GXYLT1: variants seen among roughly 807,000 people sequenced by gnomAD.
GXYLT1 encodes glycosyltransferase 8 domain containing 3.
GXYLT1 carries 29 observed loss-of-function variants against 54.0 expected under a neutral mutation model. The observed-to-expected ratio is 0.54, with a 90% confidence interval of 0.40 to 0.73. The LOEUF (loss-of-function observed/expected upper bound fraction) is 0.73. Ranked by LOEUF, GXYLT1 falls within the 30% of genes least tolerant of loss-of-function variation. The probability of loss-of-function intolerance (pLI) is 0.00; values close to 1 mark genes in which losing one functional copy is unlikely to be tolerated. For missense variants in GXYLT1, 490 were observed against 553.4 expected, an observed-to-expected ratio of 0.89 and a Z score of 1.15; for synonymous variants, 176 against 204.1, an observed-to-expected ratio of 0.86 and a Z score of 1.17.
chr12:42,143,624 A>G (rs1430694990), intron 1 of GXYLT1, among the ~76,000 whole-genome samples: 1 of 152,234 alleles, frequency 6.6e-6, no homozygotes, highest in Non-Finnish European at 1.5e-5. Flanking sequence ...GGAAGTGTCC[A>G]TGTTGCAAGG....
At position 42,122,740 on chromosome 12, in the gene GXYLT1, T is replaced by G. The variant is rs187106149; in HGVS notation, c.315-3569A>C. 2.0e-3 allele frequency among the ~76,000 whole-genome samples: 298 copies of G among 152,282 alleles called. 1 individual carries two copies. The highest frequency in any genetic ancestry group is 3.6e-3 in the Non-Finnish European group (246 of 68,026). ...AAAATTCACTATTTTGCAATCACCA[T>G]TGTAACAGATAATCTGGACAAAAAT... On this transcript the variant is annotated intron_variant, in intron 2 of 7. Transcript: ENST00000398675.
At chr12:42,121,554 C>T (rs2065531666) in intron 2 of GXYLT1, among the ~76,000 whole-genome samples, 1 of 152,018 alleles carries the variant, frequency 6.6e-6, no homozygotes, top group East Asian at 1.9e-4. Context: ...TGCTCGAGTC[C>T]AGGAGTCCGA....
At chr12:42,097,856 CTAAG>C (rs151165338) in intron 6 of GXYLT1, 50 bp downstream of exon 6, 46 of 1,341,514 alleles carry the variant, frequency 3.4e-5, no homozygotes, top group South Asian at 1.3e-4. Context: ...TCCTTTTTCA[CTAAG>C]TATTATCTGT....
intron 2 of GXYLT1, among the ~76,000 whole-genome samples, chr12:42,121,635 T>C (rs2065532104): frequency 6.7e-6 from 1 of 149,752 alleles, no homozygotes; most frequent in East Asian, 2.0e-4. Flanking sequence ...TAAATAATAA[T>C]ATACCCAAAT....
chr12:42,138,787 G>A (rs183374175), intron 1 of GXYLT1, among the ~76,000 whole-genome samples: 1 of 152,092 alleles, frequency 6.6e-6, no homozygotes, highest in Non-Finnish European at 1.5e-5. Context: ...TTGGGAGGCC[G>A]AGGCAGGTGG....
chr12:42,090,521 A>G (rs1284002651), intron 7 of GXYLT1, among the ~76,000 whole-genome samples: 1 of 152,172 alleles, frequency 6.6e-6, no homozygotes, highest in Non-Finnish European at 1.5e-5. Context: ...CCCTCTTTTC[A>G]GTGGCACAGG....
intron 5 of GXYLT1, among the ~76,000 whole-genome samples, chr12:42,102,618 T>C (rs1240042923): frequency 3.3e-5 from 5 of 152,006 alleles, no homozygotes; most frequent in Admixed American, 2.0e-4. Context: ...CAAAATAATA[T>C]ATAGAAAGCT....
intron 7 of GXYLT1, among the ~76,000 whole-genome samples, chr12:42,090,246 C>T (rs536210593): frequency 3.9e-5 from 6 of 152,270 alleles, no homozygotes; most frequent in African/African-American, 1.2e-4. Context: ...AAATTTCCAC[C>T]TATATAAACA....
intron 2 of GXYLT1, among the ~76,000 whole-genome samples, chr12:42,121,974 G>A (rs550189514): frequency 1.3e-5 from 2 of 152,254 alleles, no homozygotes; most frequent in African/African-American, 2.4e-5. Context: ...ATGATAGGAA[G>A]TGATAACTAA....
intron 3 of GXYLT1, among the ~76,000 whole-genome samples, chr12:42,117,823 T>C (rs898388801): frequency 1.8e-4 from 28 of 152,156 alleles, no homozygotes; most frequent in Admixed American, 1.3e-4. Context: ...GATTAAAGAG[T>C]ATATATTCCA....
chr12:42,139,532 G>A (rs1030230876), intron 1 of GXYLT1, among the ~76,000 whole-genome samples: 4 of 152,276 alleles, frequency 2.6e-5, no homozygotes, highest in Middle Eastern at 3.4e-3. Context: ...ACAGGGAGAA[G>A]GCGCCATCTA....
chr12:42,106,931 G>A (rs1188539193), intron 4 of GXYLT1, among the ~76,000 whole-genome samples: 1 of 151,676 alleles, frequency 6.6e-6, no homozygotes, highest in Non-Finnish European at 1.5e-5. Context: ...ATTTTTAGTA[G>A]AGATGGGGTT....
At chr12:42,141,148 T>A (rs760308364) in intron 1 of GXYLT1, among the ~76,000 whole-genome samples, 11 of 152,096 alleles carry the variant, frequency 7.2e-5, no homozygotes, top group Non-Finnish European at 1.2e-4. Context: ...GAGTTCCCCA[T>A]CCCAAGTAAC....
At chr12:42,133,270 T>A (rs1044091281) in intron 1 of GXYLT1, among the ~76,000 whole-genome samples, 13 of 152,032 alleles carry the variant, frequency 8.6e-5, no homozygotes, top group African/African-American at 3.1e-4. Flanking sequence ...AGAGAAAGAC[T>A]CTGTCTCAAA....
In GXYLT1 at chr12:42,105,801, C is replaced by T. The variant is rs368186852; in HGVS notation, c.864+17G>A. On this transcript the variant is annotated intron_variant, in intron 5 of 7. Coordinates refer to ENST00000398675, the MANE Select transcript of GXYLT1 (RefSeq NM_173601.2). ...TTTTTAGAGAAATGTTAACAACTAC[C>T]TGTATTAGTGACTTACCTTGAAATA... The T allele has an allele frequency of 1.9e-6, 3 of 1,584,558 alleles. No individual in the cohort carries two copies. Among genetic ancestry groups the T allele is most frequent in the African/African-American group, 2.7e-5 (2 of 73,310 alleles).
chr12:42,090,563 C>T (rs1290905690), intron 7 of GXYLT1, among the ~76,000 whole-genome samples: 2 of 152,164 alleles, frequency 1.3e-5, no homozygotes, highest in African/African-American at 4.8e-5. Context: ...GAAGCTCATG[C>T]TTTATACTGT....
At chr12:42,141,253 A>G (rs550070804) in intron 1 of GXYLT1, among the ~76,000 whole-genome samples, 2 of 152,330 alleles carry the variant, frequency 1.3e-5, no homozygotes, top group South Asian at 4.1e-4. Context: ...TAAAACCTGC[A>G]AGAACAGAAA....
At chr12:42,117,786 T>C (rs2065506072) in intron 3 of GXYLT1, among the ~76,000 whole-genome samples, 1 of 152,214 alleles carries the variant, frequency 6.6e-6, no homozygotes, top group South Asian at 2.1e-4. Context: ...GTTGTTGTTG[T>C]TGTTAAGGAA....
chr12:42,120,090 T>C (rs565341067), intron 2 of GXYLT1, among the ~76,000 whole-genome samples: 20 of 152,270 alleles, frequency 1.3e-4, no homozygotes, highest in Admixed American at 2.0e-4. Context: ...TTGAGAAAGA[T>C]AGATTTGAAG....
Sources: gnomAD v4.1 joint callset for allele counts (sites outside exome capture counted in the v4.1 genomes callset) on GRCh38, gnomAD v4.1.1 for gene constraint, MANE v1.5 for transcripts, NCBI Gene and HGNC (gene_info 2026-07-23, HGNC 2026-07-21) for gene names.